Variants in MAT2B observed in about 807,000 individuals in gnomAD.
MAT2B encodes the protein methionine adenosyltransferase 2 non-catalytic beta subunit, also known as methionine adenosyltransferase 2 subunit beta.
A neutral mutation model predicts 36.1 loss-of-function variants in MAT2B; 16 were observed. The observed-to-expected ratio is 0.44, with a 90% CI of 0.30 to 0.67. MAT2B has a LOEUF of 0.67. Ranked by LOEUF, MAT2B falls within the 30% of genes least tolerant of loss-of-function variation. MAT2B has a pLI of 0.09. For missense variants in MAT2B, 332 were observed against 398.2 expected (o/e 0.83, Z 1.42); for synonymous variants, 148 against 136.9 (o/e 1.08, Z -0.57).
At position 163,518,371 on chromosome 5, in the gene MAT2B, G is replaced by C; in HGVS notation, c.*8G>C. The C allele has an allele frequency of 3.2e-6, 5 of 1,580,262 alleles. No homozygotes were observed. The highest frequency in any genetic ancestry group is 4.3e-6 in the Non-Finnish European group (5 of 1,168,550). On this transcript the variant is annotated 3_prime_UTR_variant, in exon 7 of 7. Transcript: ENST00000321757. ...CAAACGGTCTTTCATTAGTTTATTT[G>C]TGTTGGGTTCTTTTTTTTTTTTAAA... is the stretch of plus-strand genomic sequence containing the variant.
chr5:163,516,152 T>C (rs1440262783), intron 4 of MAT2B, among the ~76,000 whole-genome samples: 1 of 152,148 alleles, frequency 6.6e-6, no homozygotes, highest in Non-Finnish European at 1.5e-5. Flanking sequence ...AGAGATCCTT[T>C]TGCCTTACTC....
At chr5:163,516,797 T>C (rs1760140754) in intron 5 of MAT2B, 86 bp downstream of exon 5, 1 of 1,467,004 alleles carries the variant, frequency 6.8e-7, no homozygotes, top group African/African-American at 1.4e-5. Flanking sequence ...CTTGGAGTGT[T>C]ACTGAGTGAA....
At position 163,516,680 on chromosome 5, in the gene MAT2B, T is replaced by G; in HGVS notation, c.689T>G (p.Val230Gly). 1 of 1,614,210 alleles carries G rather than the reference T, an allele frequency of 6.2e-7. No individual in the cohort carries two copies. Among genetic ancestry groups the G allele is most frequent in the Non-Finnish European group, 8.5e-7 (1 of 1,180,032 alleles). ...FPTHVKDVAT[V>G]CRQLAEKRML... The stretch of plus-strand genomic sequence containing the variant: ...ACACATGTCAAAGATGTGGCCACTG[T>G]GTGCCGGCAGCTAGCAGAGAAGAGA... Residue 230 changes from valine to glycine, a missense_variant, in exon 5 of 7, where the codon GTG becomes GGG. By Grantham distance (109) the Val-to-Gly change is moderately radical. Transcript: ENST00000321757.
At chr5:163,510,355 A>G (rs1347225473) in intron 1 of MAT2B, among the ~76,000 whole-genome samples, 1 of 151,424 alleles carries the variant, frequency 6.6e-6, no homozygotes, top group Non-Finnish European at 1.5e-5. Context: ...AGATGAGCTT[A>G]AAATATTTTT....
At chr5:163,509,966 G>A (rs1382485640) in intron 1 of MAT2B, among the ~76,000 whole-genome samples, 1 of 152,036 alleles carries the variant, frequency 6.6e-6, no homozygotes, top group Admixed American at 6.6e-5. Context: ...TTCCCTGTTA[G>A]TCTTTTCATT....
chr5:163,503,248 A>G, upstream of MAT2B: 1 of 678,084 alleles, frequency 1.5e-6, no homozygotes. Flanking sequence ...TGGAATCAAA[A>G]TGCTAATTTA....
At chr5:163,503,244 CA>C (rs915913928), upstream of MAT2B, 164 of 668,122 alleles carry the variant, frequency 2.5e-4, no homozygotes, top group Admixed American at 4.8e-4. Context: ...GGATTGGAAT[CA>C]AAATGCTAAT....
chr5:163,516,435 T>C, intron 4 of MAT2B, 83 bp from the exon 5 acceptor site: 1 of 1,091,086 alleles, frequency 9.2e-7, no homozygotes, highest in Non-Finnish European at 1.4e-6. Flanking sequence ...TACTTTGATA[T>C]TATTTAAATC....
upstream of MAT2B, among the ~76,000 whole-genome samples, chr5:163,503,827 A>C (rs1245327310): frequency 6.6e-6 from 1 of 152,230 alleles, no homozygotes; most frequent in Non-Finnish European, 1.5e-5. Context: ...GTATAGACTT[A>C]GCCACCACAC....
chr5:163,505,646 G>T lies in MAT2B; in HGVS notation c.-41G>T. On this transcript the variant is annotated 5_prime_UTR_variant, in exon 1 of 7. Coordinates refer to ENST00000321757, the MANE Select transcript of MAT2B (RefSeq NM_013283.5). Reference sequence around the variant, plus strand: ...GGCCCGCGTCGATCCTGGGTTGGAGGAGGTGGCGGCCGCTGAGGCTGCGGC... The same window carrying T: ...GGCCCGCGTCGATCCTGGGTTGGAGTAGGTGGCGGCCGCTGAGGCTGCGGC... 2.4e-6 allele frequency: 3 copies of T among 1,260,390 alleles called. No homozygotes were observed. The allele number at this position is 1,260,390 out of a possible 1,614,324, so 78.1% of individuals were successfully genotyped here.
At chr5:163,506,812 C>T (rs566035521) in intron 1 of MAT2B, among the ~76,000 whole-genome samples, 11 of 150,998 alleles carry the variant, frequency 7.3e-5, no homozygotes, top group Middle Eastern at 3.4e-3. Flanking sequence ...AAAAGAAGTT[C>T]AGTATAAAAA....
At chr5:163,503,394 C>T (rs1167816085), upstream of MAT2B, 1 of 1,613,930 alleles carries the variant, frequency 6.2e-7, no homozygotes, top group Non-Finnish European at 8.5e-7. Flanking sequence ...ATTCTGGAGT[C>T]ATGCCTGAAA....
chr5:163,518,536 C>G lies in MAT2B; in HGVS notation c.*173C>G. The G allele has an allele frequency of 1.0e-5, 5 of 485,380 alleles. No homozygotes were observed. Among genetic ancestry groups the G allele is most frequent in the Non-Finnish European group, 1.0e-5 (3 of 286,936 alleles). The allele number at this position is 485,380 out of a possible 1,614,324, so 30.1% of individuals were successfully genotyped here. Reference sequence around the variant, plus strand: ...TTGTCTAAAGAAACTAAAGGGCAGTCATGCCCTGTTTGCAGTAATTTTTCT... The same window carrying G: ...TTGTCTAAAGAAACTAAAGGGCAGTGATGCCCTGTTTGCAGTAATTTTTCT... On this transcript the variant is annotated 3_prime_UTR_variant, in exon 7 of 7. Transcript: ENST00000321757.
upstream of MAT2B, among the ~76,000 whole-genome samples, chr5:163,504,205 G>C (rs778573757): frequency 3.3e-5 from 5 of 152,138 alleles, no homozygotes; most frequent in Non-Finnish European, 5.9e-5. Context: ...GATCTTGGCT[G>C]CTCCCCCGGC....
At chr5:163,514,551 GT>G (rs1760100535) in intron 4 of MAT2B, among the ~76,000 whole-genome samples, 1 of 152,140 alleles carries the variant, frequency 6.6e-6, no homozygotes, top group South Asian at 2.1e-4. Context: ...ACCAAATATG[GT>G]TAAGTGTGGA....
chr5:163,503,177 T>G (rs1418067548), upstream of MAT2B: 6 of 502,254 alleles, frequency 1.2e-5, no homozygotes, highest in Non-Finnish European at 2.2e-5. Context: ...TTTTCGAGAC[T>G]ACTACGGGGA....
rs777320254 is a variant in MAT2B at position 163,514,009 on chromosome 5, A to AT, written c.526+18dup. On this transcript the variant is annotated intron_variant, in intron 4 of 6. Transcript: ENST00000321757. The stretch of plus-strand genomic sequence containing the variant: ...GAACAATCTAGGTAAGACCTAATCT[A>AT]TTTAGCCCCTGATTGTTTTTGAAGA... 1 of 1,589,910 alleles carries AT rather than the reference A, an allele frequency of 6.3e-7. No individual in the cohort carries two copies. Among genetic ancestry groups the AT allele is most frequent in the Non-Finnish European group, 8.5e-7 (1 of 1,171,306 alleles).
intron 6 of MAT2B, 159 bp from the exon 7 acceptor site, chr5:163,518,034 C>G: frequency 1.8e-6 from 1 of 554,446 alleles, no homozygotes; most frequent in South Asian, 3.0e-5. Context: ...AGGAGGATCC[C>G]TTGAGCCCAG....
chr5:163,505,704 A>G lies in MAT2B; in HGVS notation c.18A>G (p.Lys6=), dbSNP rs1353463602. 3.9e-6 allele frequency: 5 copies of G among 1,284,928 alleles called. No individual in the cohort carries two copies. The highest frequency in any genetic ancestry group is 5.0e-6 in the Non-Finnish European group (5 of 1,008,532). The allele number at this position is 1,284,928 out of a possible 1,614,324, so 79.6% of individuals were successfully genotyped here. A position where few individuals can be genotyped will look rare whatever the true frequency, so the allele number is the denominator to read the frequency against. ...CGGCGGGCATGGTGGGGCGGGAGAA[A>G]GAGCTCTCTATACACTTTGTTCCCG... The part of the protein sequence containing the change: MVGRE[K]ELSIHFVPGS... The change falls in exon 1 of 7, where the codon AAA becomes AAG. Residue 6 remains lysine (K), a synonymous_variant. Coordinates refer to ENST00000321757, the MANE Select transcript of MAT2B (RefSeq NM_013283.5).
Sources: gnomAD v4.1 joint callset for allele counts (sites outside exome capture counted in the v4.1 genomes callset) on GRCh38, gnomAD v4.1.1 for gene constraint, MANE v1.5 for transcripts, NCBI Gene and HGNC (gene_info 2026-07-23, HGNC 2026-07-21) for gene names.